Variants in RLN2 observed in about 807,000 individuals in gnomAD.
RLN2 encodes prorelaxin H2.
A neutral mutation model predicts 7.3 loss-of-function variants in RLN2; 10 were observed. That is an observed-to-expected ratio of 1.36 (90% CI 0.84 to 2.31). The LOEUF is 2.31. RLN2 is among the 30% of genes most tolerant of loss of function. RLN2 has a pLI of 0.00. For synonymous variants in RLN2, 103 were observed against 82.3 expected (o/e 1.25, Z -1.36); for missense variants, 298 against 217.6 (o/e 1.37, Z -2.32).
At chr9:5,319,121 C>A in the RLN2 span, among the ~76,000 whole-genome samples, 1 of 151,988 alleles carries the variant, frequency 6.6e-6, no homozygotes, top group African/African-American at 2.4e-5. Context: ...CACCAAGTTT[C>A]ATACACATCC....
the RLN2 span, among the ~76,000 whole-genome samples, chr9:5,318,501 G>A: frequency 6.6e-6 from 1 of 151,836 alleles, no homozygotes; most frequent in South Asian, 2.1e-4. Flanking sequence ...AATTCTAACA[G>A]TAATTTCTTG....
chr9:5,300,963 C>A (rs1816114025), intron 1 of RLN2, among the ~76,000 whole-genome samples: 1 of 152,192 alleles, frequency 6.6e-6, no homozygotes, highest in Admixed American at 6.5e-5. Flanking sequence ...GAATTTCCAA[C>A]ACCTCTGATC....
At chr9:5,300,521 G>T in intron 1 of RLN2, 77 bp from the exon 2 acceptor site, 5 of 953,156 alleles carry the variant, frequency 5.2e-6, no homozygotes, top group Non-Finnish European at 7.8e-6. Flanking sequence ...ATGAATGTTT[G>T]CATAGACAAA....
chr9:5,317,650 A>T, the RLN2 span, among the ~76,000 whole-genome samples: 1,525 of 152,020 alleles, frequency 0.01, 33 homozygotes, highest in African/African-American at 0.035. Flanking sequence ...ATCTATTACA[A>T]ATACAAACAA....
At chr9:5,333,755 G>A in the RLN2 span, among the ~76,000 whole-genome samples, 3 of 151,910 alleles carry the variant, frequency 2.0e-5, no homozygotes, top group Non-Finnish European at 4.4e-5. Flanking sequence ...GATGAACATC[G>A]ATGCAAAAAT....
the RLN2 span, among the ~76,000 whole-genome samples, chr9:5,312,634 G>C: frequency 1.3e-5 from 2 of 151,694 alleles, no homozygotes; most frequent in Admixed American, 6.6e-5. Context: ...GTTGTATACT[G>C]TTAATGATTT....
the RLN2 span, chr9:5,335,558 A>G: frequency 6.2e-7 from 1 of 1,611,634 alleles, no homozygotes; most frequent in Non-Finnish European, 8.5e-7. Context: ...CATGATAATT[A>G]TAGTTTCTGT....
the RLN2 span, among the ~76,000 whole-genome samples, chr9:5,333,698 C>A: frequency 6.6e-6 from 1 of 151,948 alleles, no homozygotes; most frequent in Non-Finnish European, 1.5e-5. Flanking sequence ...ATACCAAAAC[C>A]TGGCAGACAT....
chr9:5,317,673 A>T, the RLN2 span, among the ~76,000 whole-genome samples: 1 of 151,980 alleles, frequency 6.6e-6, no homozygotes, highest in African/African-American at 2.4e-5. Context: ...GTTCTAACAT[A>T]CAAAGACCTT....
upstream of RLN2, among the ~76,000 whole-genome samples, chr9:5,307,230 TGATA>T (rs1299847794): frequency 4.8e-4 from 73 of 151,640 alleles, no homozygotes; most frequent in African/African-American, 1.7e-3. Context: ...GATAGATAGA[TGATA>T]GATAGGTGAT....
the RLN2 span, among the ~76,000 whole-genome samples, chr9:5,329,661 G>C: frequency 6.6e-6 from 1 of 150,576 alleles, no homozygotes; most frequent in Non-Finnish European, 1.5e-5. Flanking sequence ...AAGAGACAAA[G>C]AAGGCCACTA....
chr9:5,321,360 T>C, the RLN2 span, among the ~76,000 whole-genome samples: 1 of 152,042 alleles, frequency 6.6e-6, no homozygotes, highest in African/African-American at 2.4e-5. Context: ...TTTATTCACG[T>C]TTTTATTCAA....
chr9:5,307,863 G>C (rs534368940), upstream of RLN2, among the ~76,000 whole-genome samples: 10 of 152,040 alleles, frequency 6.6e-5, no homozygotes, highest in East Asian at 1.5e-3. Flanking sequence ...ACAGTTGTAA[G>C]AGAAACTTAT....
upstream of RLN2, among the ~76,000 whole-genome samples, chr9:5,307,988 TC>T (rs1348585919): frequency 2.4e-4 from 36 of 152,080 alleles, no homozygotes; most frequent in Non-Finnish European, 5.9e-5. Flanking sequence ...AACAGGCAAC[TC>T]ATACCTGATC....
In RLN2 at chr9:5,299,988, C is replaced by T; in HGVS notation, c.*110G>A. On this transcript the variant is annotated 3_prime_UTR_variant, in exon 2 of 2. Transcript: ENST00000381627. ...AGAATTGATGGGACCTAATATCTAA[C>T]AAAGATTCTTAGATATTCTAAGAAT... 1 of 638,510 alleles carries T rather than the reference C, an allele frequency of 1.6e-6. No individual in the cohort carries two copies. The highest frequency in any genetic ancestry group is 2.6e-6 in the Non-Finnish European group (1 of 384,470). 39.6% of individuals were successfully genotyped at this position (638,510 alleles called of 1,614,324 possible).
At chr9:5,321,375 T>G in the RLN2 span, among the ~76,000 whole-genome samples, 1 of 152,140 alleles carries the variant, frequency 6.6e-6, no homozygotes, top group South Asian at 2.1e-4. Flanking sequence ...ATTCAAATAC[T>G]TCTTTCCCAA....
the RLN2 span, among the ~76,000 whole-genome samples, chr9:5,313,111 G>A: frequency 1.3e-5 from 2 of 151,926 alleles, no homozygotes; most frequent in South Asian, 4.2e-4. Flanking sequence ...CCAAAGTGTA[G>A]TTCAAGTCCA....
the RLN2 span, chr9:5,311,296 GTA>G: frequency 3.1e-6 from 1 of 327,514 alleles, no homozygotes; most frequent in African/African-American, 2.1e-5. Context: ...ATGTGTGCAT[GTA>G]TATGAGTGCA....
At chr9:5,319,916 C>A in the RLN2 span, among the ~76,000 whole-genome samples, 2 of 151,178 alleles carry the variant, frequency 1.3e-5, no homozygotes, top group African/African-American at 4.9e-5. Context: ...TAAAGATGTT[C>A]TTAAACTTAA....
Sources: gnomAD v4.1 joint callset for allele counts (sites outside exome capture counted in the v4.1 genomes callset) on GRCh38, gnomAD v4.1.1 for gene constraint, MANE v1.5 for transcripts, NCBI Gene and HGNC (gene_info 2026-07-23, HGNC 2026-07-21) for gene names.